EIF5B: variants seen among roughly 807,000 people sequenced by gnomAD.
EIF5B encodes eukaryotic translation initiation factor 5B, also known as eIF-5B.
In EIF5B, 47 loss-of-function variants were observed where a neutral mutation model predicts 147.5. The ratio of observed to expected loss-of-function variants is 0.32; its 90% CI spans 0.25 to 0.41. The LOEUF (loss-of-function observed/expected upper bound fraction) is 0.41, where lower values mean the gene tolerates loss of function less well. EIF5B is among the 10% of genes least tolerant of loss of function. The pLI, the probability that EIF5B is intolerant of heterozygous loss-of-function variation, is 1.00. For missense variants in EIF5B, 1,064 were observed against 1,413.2 expected, an observed-to-expected ratio of 0.75 and a Z score of 3.96; for synonymous variants, 455 against 456.2, an observed-to-expected ratio of 1.00 and a Z score of 0.03.
At chr2:99,368,373 T>C in intron 6 of EIF5B, 120 bp from the exon 7 acceptor site, 2 of 729,722 alleles carry the variant, frequency 2.7e-6, no homozygotes, top group Non-Finnish European at 4.7e-6. Flanking sequence ...TTTCCATGAA[T>C]ATCCTTTCAT....
rs9308819 is a variant in EIF5B, at chr2:99,400,386, G to A, written c.*972G>A. The A allele has an allele frequency of 0.17, 25,102 of 152,056 alleles. 2,624 individuals are homozygous for A. Among genetic ancestry groups the A allele is most frequent in the African/African-American group, 0.28 (11,416 of 41,464 alleles). 9.4% of individuals were successfully genotyped at this position (152,056 alleles called of 1,614,324 possible). On this transcript the variant is annotated 3_prime_UTR_variant, in exon 24 of 24. Coordinates refer to ENST00000289371, the MANE Select transcript of EIF5B (RefSeq NM_015904.4). ...AGACACAAAACTTAATGATTCATTC[G>A]TAGTAGTAATCTGTAGCTAGTTTTA...
intron 1 of EIF5B, 84 bp downstream of exon 1, chr2:99,337,673 G>A: frequency 6.7e-7 from 1 of 1,493,886 alleles, no homozygotes; most frequent in Non-Finnish European, 9.0e-7. Flanking sequence ...CGTCGGACCG[G>A]GGTCTGGGCT....
intron 1 of EIF5B, among the ~76,000 whole-genome samples, chr2:99,345,777 T>C (rs2094271645): frequency 6.6e-6 from 1 of 151,624 alleles, no homozygotes; most frequent in South Asian, 2.1e-4. Context: ...AGACCCCATC[T>C]CTACCCCCTA....
chr2:99,371,765 G>C, intron 9 of EIF5B, 35 bp downstream of exon 9: 1 of 1,547,290 alleles, frequency 6.5e-7, no homozygotes, highest in Non-Finnish European at 8.8e-7. Context: ...GATACATCCA[G>C]TGGTTATTAG....
intron 22 of EIF5B, 136 bp downstream of exon 22, chr2:99,397,034 CA>C (rs1337350203): frequency 1.0e-6 from 1 of 993,264 alleles, no homozygotes; most frequent in Non-Finnish European, 1.4e-6. Flanking sequence ...ACCTTCTTAA[CA>C]AATGTTTCAG....
chr2:99,338,282 G>A (rs1054124851), intron 1 of EIF5B: 4 of 1,282,832 alleles, frequency 3.1e-6, no homozygotes, highest in Non-Finnish European at 4.1e-6. Flanking sequence ...CAATGCTTTG[G>A]GGAGGGAGGA....
chr2:99,363,049 G>C (rs1042910599), intron 4 of EIF5B, among the ~76,000 whole-genome samples: 1 of 152,098 alleles, frequency 6.6e-6, no homozygotes, highest in Non-Finnish European at 1.5e-5. Context: ...GTGAGCCACC[G>C]TGCCCAGCAA....
rs371083061 is a variant in EIF5B, at chr2:99,387,586, G to A, written c.2272-2132G>A. Among the ~76,000 whole-genome samples, 12 of 152,226 alleles carry A rather than the reference G, an allele frequency of 7.9e-5. No homozygotes were observed. In the South Asian group the frequency reaches 1.2e-3, roughly 16 times the overall value. ...AGTAAAGTTTTGAAAGCTGGTAGTG[G>A]TAAATCCTTCAACTTAGTTTTCTTT... On this transcript the variant is annotated intron_variant, in intron 14 of 23. Transcript: ENST00000289371.
rs1675128827 is a variant in EIF5B, at chr2:99,398,851, G to C, written c.3497G>C (p.Gly1166Ala). The change falls in exon 23 of 24, where the codon GGT (glycine) becomes GCT (alanine). Residue 1166 changes from glycine to alanine, a missense_variant. By Grantham distance (60) the Gly-to-Ala change is moderately conservative. This residue lies in a region of EIF5B where 380 missense variants were observed against 715.6 expected (regional missense o/e 0.53). Coordinates refer to ENST00000289371, the MANE Select transcript of EIF5B (RefSeq NM_015904.4). ...TGTGTAAAAATAGAACCTATCCCTG[G>C]TGAGTCACCCAAAATGTTTGGAAGA... ...EVCVKIEPIP[G>A]ESPKMFGRHF... 6.2e-7 allele frequency: 1 copy of C among 1,613,974 alleles called. No homozygotes were observed. The highest frequency in any genetic ancestry group is 1.3e-5 in the African/African-American group (1 of 74,910).
In EIF5B at chr2:99,378,443, A is replaced by C. The variant is rs568430290; in HGVS notation, c.1843-576A>C. Among the ~76,000 whole-genome samples, 7 of 152,352 alleles carry C rather than the reference A, an allele frequency of 4.6e-5. No homozygotes were observed. The South Asian group carries it at 1.4e-3, about 32-fold the overall frequency. On this transcript the variant is annotated intron_variant, in intron 10 of 23. Coordinates refer to ENST00000289371, the MANE Select transcript of EIF5B (RefSeq NM_015904.4). Reference sequence around the variant, plus strand: ...AGCTTTCTCGCTCTTACTGGTGTTCATAAAGTGGTAGAGCCTTGGAAAGTC... The same window carrying C: ...AGCTTTCTCGCTCTTACTGGTGTTCCTAAAGTGGTAGAGCCTTGGAAAGTC...
intron 4 of EIF5B, 123 bp from the exon 5 acceptor site, chr2:99,363,522 T>C (rs1646300459): frequency 3.1e-6 from 3 of 952,658 alleles, no homozygotes; most frequent in Non-Finnish European, 4.8e-6. Flanking sequence ...CTGTAGAACT[T>C]AGCCTGCTGC....
In EIF5B at chr2:99,393,110, T is replaced by A. The variant is rs1173965045; in HGVS notation, c.2880+12T>A. The A allele has an allele frequency of 6.6e-6, 10 of 1,514,166 alleles. No homozygotes were observed. Among genetic ancestry groups the A allele is most frequent in the Middle Eastern group, 3.5e-4 (2 of 5,646 alleles). 93.8% of individuals were successfully genotyped at this position (1,514,166 alleles called of 1,614,324 possible). ...TCCCTGTTCTTAAAGTAAGTTCATT[T>A]AAAAATTTTTTTCCTTAAAAGCTAT... On this transcript the variant is annotated intron_variant, in intron 18 of 23. Transcript: ENST00000289371.
At position 99,371,877 on chromosome 2, in the gene EIF5B, G is replaced by A. The variant is rs2104203868; in HGVS notation, c.1552+147G>A. Reference sequence around the variant, plus strand: ...GTCTCTTGTTCTCTCCTTTGCCATGGTTTCTAAGTCCTCAAGTGGATCTTC... The same window carrying A: ...GTCTCTTGTTCTCTCCTTTGCCATGATTTCTAAGTCCTCAAGTGGATCTTC... On this transcript the variant is annotated intron_variant, in intron 9 of 23. Coordinates refer to ENST00000289371, the MANE Select transcript of EIF5B (RefSeq NM_015904.4). The A allele has an allele frequency of 9.6e-6, 6 of 626,266 alleles. No homozygotes were observed. In the East Asian group the frequency reaches 2.0e-4, roughly 21 times the overall value. 38.8% of individuals were successfully genotyped at this position (626,266 alleles called of 1,614,324 possible). A position where few individuals can be genotyped will look rare whatever the true frequency, so the allele number is the denominator to read the frequency against.
rs2094263251 is a variant in EIF5B at position 99,342,815 on chromosome 2, G to A, written c.35+5226G>A. ...CTCAGCTAATTTTTAAAAATTTTTTGTAGAGATGGGGTCTCGCTTTGTTAC... is the reference window on the plus strand; with the variant it reads ...CTCAGCTAATTTTTAAAAATTTTTTATAGAGATGGGGTCTCGCTTTGTTAC... On this transcript the variant is annotated intron_variant, in intron 1 of 23. Transcript: ENST00000289371. Among the ~76,000 whole-genome samples the A allele has an allele frequency of 2.6e-5, 4 of 151,946 alleles. 1 individual carries two copies. In the South Asian group the frequency reaches 8.3e-4, roughly 32 times the overall value.
chr2:99,390,647 T>C lies in EIF5B; in HGVS notation c.2690T>C (p.Ile897Thr). Residue 897 changes from isoleucine (I) to threonine (T), a missense_variant, in exon 17 of 24, where the codon ATT (isoleucine) becomes ACT (threonine). This residue lies in a region of EIF5B where 380 missense variants were observed against 715.6 expected (regional missense o/e 0.53). Transcript: ENST00000289371. ...ATTGTTCCTGGAGTAGAAGGGCCCA[T>C]TGTAACTCAGATTCGAGGCCTCCTG... is the stretch of plus-strand genomic sequence containing the variant. The part of the protein sequence containing the change: ...TIIVPGVEGP[I>T]VTQIRGLLLP... The C allele has an allele frequency of 6.2e-7, 1 of 1,612,182 alleles. No individual in the cohort carries two copies. The highest frequency in any genetic ancestry group is 8.5e-7 in the Non-Finnish European group (1 of 1,178,410).
At chr2:99,362,631 G>A (rs1674243064) in intron 4 of EIF5B, among the ~76,000 whole-genome samples, 1 of 152,026 alleles carries the variant, frequency 6.6e-6, no homozygotes. Flanking sequence ...CCCAGGAGGC[G>A]GAGCTTGCAG....
At chr2:99,399,165 TCTA>T in intron 23 of EIF5B, 139 bp from the exon 24 acceptor site, 1 of 837,654 alleles carries the variant, frequency 1.2e-6, no homozygotes, top group Non-Finnish European at 1.8e-6. Context: ...ATTTTGGAAT[TCTA>T]CTCCCTTAGG....
At position 99,396,910 on chromosome 2, in the gene EIF5B, T is replaced by G. The variant is rs1236638948; in HGVS notation, c.3393+12T>G. 1.3e-6 allele frequency: 2 copies of G among 1,590,148 alleles called. No individual in the cohort carries two copies. The highest frequency in any genetic ancestry group is 2.3e-5 in the South Asian group (2 of 86,524). ...TCCCAAGCAAAAATGTAAGTTCTAGTTGTACATTCTGTGGGTCATTTCTTA... is the reference window on the plus strand; with the variant it reads ...TCCCAAGCAAAAATGTAAGTTCTAGGTGTACATTCTGTGGGTCATTTCTTA... On this transcript the variant is annotated intron_variant, in intron 22 of 23. Transcript: ENST00000289371.
At chr2:99,399,165 TC>T in intron 23 of EIF5B, 141 bp from the exon 24 acceptor site, 1 of 837,654 alleles carries the variant, frequency 1.2e-6, no homozygotes, top group Non-Finnish European at 1.8e-6. Context: ...ATTTTGGAAT[TC>T]TACTCCCTTA....
Sources: allele counts gnomAD v4.1 joint callset (sites outside exome capture counted in the v4.1 genomes callset), GRCh38; gene constraint gnomAD v4.1.1; regional missense constraint gnomAD v4.1.1; transcripts MANE v1.5; gene names NCBI Gene and HGNC (gene_info 2026-07-23, HGNC 2026-07-21).